GGH: variants seen among roughly 807,000 people sequenced by gnomAD.
The protein encoded by GGH is gamma-Glu-X carboxypeptidase.
A neutral mutation model predicts 39.2 loss-of-function variants in GGH; 18 were observed. That is an observed-to-expected ratio of 0.46 (90% CI 0.32 to 0.68). The LOEUF is 0.68. Among genes scored for constraint, GGH ranks in the 30% least tolerant of loss-of-function variants. GGH has a pLI of 0.04. For missense variants in GGH, 367 were observed against 384.1 expected (o/e 0.96, Z 0.37); for synonymous variants, 147 against 138.8 (o/e 1.06, Z -0.42).
At chr8:63,023,763 CAA>C (rs574204096) in intron 7 of GGH, 142 bp downstream of exon 7, 1 of 498,970 alleles carries the variant, frequency 2.0e-6, no homozygotes, top group Non-Finnish European at 3.3e-6. Context: ...GAAACATGGA[CAA>C]AACATGTCTC....
chr8:63,015,571 G>A, intron 8 of GGH, 118 bp from the exon 9 acceptor site: 1 of 526,834 alleles, frequency 1.9e-6, no homozygotes, highest in Non-Finnish European at 3.3e-6. Context: ...AACAAGAAGA[G>A]AAATGCGACT....
intron 5 of GGH, among the ~76,000 whole-genome samples, chr8:63,025,630 C>T (rs1445009120): frequency 6.6e-6 from 1 of 152,048 alleles, no homozygotes; most frequent in African/African-American, 2.4e-5. Context: ...ACTCAGGGGG[C>T]TGAGGCAGGA....
chr8:63,036,380 C>T (rs1804909602), intron 1 of GGH, among the ~76,000 whole-genome samples: 1 of 152,188 alleles, frequency 6.6e-6, no homozygotes, highest in African/African-American at 2.4e-5. Context: ...TACCTCATGC[C>T]AGGCAACAAA....
intron 2 of GGH, among the ~76,000 whole-genome samples, chr8:63,034,280 G>C (rs1178599831): frequency 2.6e-5 from 4 of 151,832 alleles, no homozygotes; most frequent in African/African-American, 9.7e-5. Context: ...GGCAATCTTG[G>C]TGTAGAAACA....
intron 3 of GGH, 53 bp downstream of exon 3, chr8:63,030,110 AAAGC>A: frequency 1.3e-6 from 1 of 746,666 alleles, no homozygotes; most frequent in East Asian, 2.5e-5. Flanking sequence ...TTCTTTTACA[AAAGC>A]AGACATATGT....
Position 63,021,876 on chromosome 8 carries a change from G to T in GGH, c.697+2031C>A, listed in dbSNP as rs546206235. On this transcript the variant is annotated intron_variant, in intron 7 of 8. Coordinates refer to ENST00000260118, the MANE Select transcript of GGH (RefSeq NM_003878.3). ...TTTAGTAGAGACGGGGTTTCGCCAT[G>T]TTGGCCAGGCTGGTCTCAAACTCCT... Among the ~76,000 whole-genome samples, 13 of 151,952 alleles carry T rather than the reference G, an allele frequency of 8.6e-5. No homozygotes were observed. In the South Asian group the frequency reaches 2.7e-3, roughly 32 times the overall value.
intron 2 of GGH, among the ~76,000 whole-genome samples, chr8:63,034,037 T>A (rs934620925): frequency 1.2e-4 from 17 of 146,174 alleles, no homozygotes; most frequent in Non-Finnish European, 1.8e-4. Context: ...TATATAAAAA[T>A]ATATATATAT....
chr8:63,025,690 C>T (rs1172310163), intron 5 of GGH, among the ~76,000 whole-genome samples: 1 of 152,008 alleles, frequency 6.6e-6, no homozygotes. Context: ...GAGATTGCGT[C>T]ACTGCGCTCC....
Position 63,015,191 on chromosome 8 carries a change from C to T in GGH, c.*141G>A. 2.0e-6 allele frequency: 1 copy of T among 497,916 alleles called. No homozygotes were observed. Among genetic ancestry groups the T allele is most frequent in the South Asian group, 3.5e-5 (1 of 28,206 alleles). 30.8% of individuals were successfully genotyped at this position (497,916 alleles called of 1,614,324 possible). The stretch of plus-strand genomic sequence containing the variant: ...AATTATCTAATGTTATATAAATAGT[C>T]ACATACAGAATGAAGAATCAGAGCC... On this transcript the variant is annotated 3_prime_UTR_variant, in exon 9 of 9. Transcript: ENST00000260118.
intron 7 of GGH, chr8:63,017,845 T>C (rs1324064443): frequency 1.2e-5 from 5 of 427,858 alleles, no homozygotes; most frequent in African/African-American, 2.1e-5. Flanking sequence ...TTTTACAATC[T>C]GTAGGACGAT....
chr8:63,016,565 A>T (rs79392188), intron 8 of GGH, among the ~76,000 whole-genome samples: 3,517 of 152,330 alleles, frequency 0.023, 57 homozygotes, highest in South Asian at 0.03. Context: ...TTACACAGCT[A>T]GTCTTCACTT....
At chr8:63,027,308 C>T in intron 3 of GGH, 43 bp from the exon 4 acceptor site, 8 of 991,190 alleles carry the variant, frequency 8.1e-6, no homozygotes, top group Non-Finnish European at 1.3e-5. Flanking sequence ...TATTTTGCCA[C>T]CCCCGACCCA....
chr8:63,034,433 T>G (rs534630466), intron 2 of GGH, among the ~76,000 whole-genome samples: 11 of 152,302 alleles, frequency 7.2e-5, no homozygotes, highest in African/African-American at 2.6e-4. Context: ...TGTTATAATT[T>G]TTGATGAGGA....
chr8:63,016,995 A>G (rs1336450962), intron 8 of GGH, among the ~76,000 whole-genome samples: 1 of 152,160 alleles, frequency 6.6e-6, no homozygotes, highest in East Asian at 1.9e-4. Context: ...ATTCTAAGAA[A>G]TGGAGAGTAA....
chr8:63,030,079 CAT>C (rs1180344059), intron 3 of GGH, 86 bp downstream of exon 3: 1 of 666,034 alleles, frequency 1.5e-6, no homozygotes, highest in East Asian at 2.5e-5. Context: ...TACATAGAAA[CAT>C]GTATAATATT....
intron 2 of GGH, among the ~76,000 whole-genome samples, chr8:63,031,585 C>G (rs1210074116): frequency 6.6e-6 from 1 of 152,186 alleles, no homozygotes; most frequent in African/African-American, 2.4e-5. Context: ...AGCTGCACTC[C>G]AAGGATTCCT....
rs180830598 is a variant in GGH, at chr8:63,016,241, C to T, written c.836-788G>A. 2.1e-4 allele frequency among the ~76,000 whole-genome samples: 32 copies of T among 152,270 alleles called. No individual in the cohort carries two copies. In the East Asian group the frequency reaches 5.4e-3, roughly 26 times the overall value. On this transcript the variant is annotated intron_variant, in intron 8 of 8. Coordinates refer to ENST00000260118, the MANE Select transcript of GGH (RefSeq NM_003878.3). ...CACATGACTACTACTGCAGCAAATG[C>T]GGCACTGCCACTGCTGCCCTCATTC...
intron 3 of GGH, among the ~76,000 whole-genome samples, chr8:63,028,985 A>G (rs1398935020): frequency 6.6e-6 from 1 of 152,252 alleles, no homozygotes; most frequent in Non-Finnish European, 1.5e-5. Context: ...CATACTGGGC[A>G]TTGTAAATGT....
chr8:63,026,556 A>T (rs1417516667), intron 4 of GGH, among the ~76,000 whole-genome samples: 1 of 152,234 alleles, frequency 6.6e-6, no homozygotes. Context: ...CTTAGCTATT[A>T]AAAGTTTGAA....
Sources: gnomAD v4.1 joint callset for allele counts (sites outside exome capture counted in the v4.1 genomes callset) on GRCh38, gnomAD v4.1.1 for gene constraint, MANE v1.5 for transcripts, NCBI Gene and HGNC (gene_info 2026-07-23, HGNC 2026-07-21) for gene names.